Variants in FMN1 observed in about 807,000 individuals in gnomAD.
The protein encoded by FMN1 is formin 1.
In FMN1, 110 loss-of-function variants were observed where a neutral mutation model predicts 132.4. The ratio of observed to expected loss-of-function variants is 0.83; its 90% CI spans 0.71 to 0.97. The LOEUF (loss-of-function observed/expected upper bound fraction) is 0.97. FMN1 is among the 50% of genes least tolerant of loss of function. The pLI, the probability that FMN1 is intolerant of heterozygous loss-of-function variation, is 0.00. For synonymous variants in FMN1, 722 were observed against 651.7 expected (o/e 1.11, Z -1.64); for missense variants, 1,792 against 1,705.3 (o/e 1.05, Z -0.90).
At chr15:33,021,330 C>T (rs1449464049) in intron 6 of FMN1, among the ~76,000 whole-genome samples, 3 of 151,024 alleles carry the variant, frequency 2.0e-5, no homozygotes, top group Non-Finnish European at 4.4e-5. Context: ...ACAGCAATAG[C>T]TGATGAATAC....
At chr15:32,785,884 T>C (rs2056861104) in intron 19 of FMN1, among the ~76,000 whole-genome samples, 1 of 152,116 alleles carries the variant, frequency 6.6e-6, no homozygotes, top group African/African-American at 2.4e-5. Context: ...ATTGAGGGAA[T>C]ATGGTTCATG....
intron 9 of FMN1, among the ~76,000 whole-genome samples, chr15:32,954,273 C>T (rs556182884): frequency 6.6e-6 from 1 of 152,326 alleles, no homozygotes; most frequent in South Asian, 2.1e-4. Flanking sequence ...CCTGAACCCC[C>T]ATGTACCTAT....
intron 6 of FMN1, among the ~76,000 whole-genome samples, chr15:33,022,425 T>C (rs1290261501): frequency 1.3e-5 from 2 of 152,122 alleles, no homozygotes; most frequent in African/African-American, 2.4e-5. Flanking sequence ...AGTGGACTAG[T>C]ATGGATATGG....
At chr15:33,071,235 C>T (rs1417455529) in intron 5 of FMN1, among the ~76,000 whole-genome samples, 1 of 152,160 alleles carries the variant, frequency 6.6e-6, no homozygotes, top group Non-Finnish European at 1.5e-5. Context: ...GAAAAATCTA[C>T]AAGTTTTCTT....
chr15:32,790,734 T>C (rs566221714), intron 19 of FMN1, among the ~76,000 whole-genome samples: 1 of 152,320 alleles, frequency 6.6e-6, no homozygotes, highest in East Asian at 1.9e-4. Context: ...CTTTGGATCA[T>C]TTCTTCCTCC....
At chr15:33,163,178 G>A (rs556167787) in intron 3 of FMN1, among the ~76,000 whole-genome samples, 19 of 152,292 alleles carry the variant, frequency 1.2e-4, no homozygotes, top group African/African-American at 4.3e-4. Context: ...AGTAGAGTGA[G>A]AGAACACCAA....
At chr15:32,807,344 C>G (rs957035590) in intron 17 of FMN1, among the ~76,000 whole-genome samples, 1 of 152,216 alleles carries the variant, frequency 6.6e-6, no homozygotes, top group African/African-American at 2.4e-5. Flanking sequence ...TCCCCCCATA[C>G]TCTTGGCAGG....
chr15:33,147,973 A>G (rs1964294051), intron 4 of FMN1, among the ~76,000 whole-genome samples: 1 of 152,208 alleles, frequency 6.6e-6, no homozygotes, highest in African/African-American at 2.4e-5. Context: ...TGGACTAAAA[A>G]TCATATTACC....
chr15:32,906,049 G>A (rs908896892), intron 12 of FMN1, among the ~76,000 whole-genome samples: 1 of 152,192 alleles, frequency 6.6e-6, no homozygotes, highest in Non-Finnish European at 1.5e-5. Context: ...TAGATCATCA[G>A]TAGAGAAAAC....
At position 32,776,886 on chromosome 15, in the gene FMN1, C is replaced by T. The variant is rs1477865657; in HGVS notation, c.4164G>A (p.Leu1388=). The T allele has an allele frequency of 3.4e-5, 55 of 1,596,506 alleles. No individual in the cohort carries two copies. Among genetic ancestry groups the T allele is most frequent in the Non-Finnish European group, 4.7e-5 (55 of 1,169,970 alleles). The change falls in exon 20 of 21, where the codon TTG becomes TTA. Residue 1388 remains leucine (L), a synonymous_variant. Transcript: ENST00000616417. ...TTGTCTCCACTTTCTTCTCTGAAGTCAACTTGCTGACTGATTCCTGAGCCA... is the reference window on the plus strand; with the variant it reads ...TTGTCTCCACTTTCTTCTCTGAAGTTAACTTGCTGACTGATTCCTGAGCCA... ...LKMAQESVSK[L]TSEKKVETKK...
intron 7 of FMN1, among the ~76,000 whole-genome samples, chr15:33,005,205 A>G (rs2034350239): frequency 6.6e-6 from 1 of 152,140 alleles, no homozygotes; most frequent in Admixed American, 6.6e-5. Context: ...TATTAAAAAA[A>G]AAAAACTACA....
chr15:33,071,813 G>C (rs1229091013), intron 5 of FMN1, among the ~76,000 whole-genome samples: 1 of 152,182 alleles, frequency 6.6e-6, no homozygotes, highest in Non-Finnish European at 1.5e-5. Context: ...ATTCAAATAA[G>C]CAACCTACAA....
At chr15:32,879,623 T>C (rs753518245) in intron 16 of FMN1, among the ~76,000 whole-genome samples, 1 of 152,140 alleles carries the variant, frequency 6.6e-6, no homozygotes, top group Non-Finnish European at 1.5e-5. Context: ...ACCCTTTCAA[T>C]ATCCCTTTGT....
intron 5 of FMN1, among the ~76,000 whole-genome samples, chr15:33,082,526 G>A (rs1244680557): frequency 6.6e-6 from 1 of 151,926 alleles, no homozygotes; most frequent in African/African-American, 2.4e-5. Flanking sequence ...ATTCTCCATG[G>A]TGAGCATTCC....
intron 18 of FMN1, among the ~76,000 whole-genome samples, chr15:32,801,420 T>C (rs1407366964): frequency 2.0e-5 from 3 of 152,140 alleles, no homozygotes; most frequent in Admixed American, 2.0e-4. Context: ...TCCCAGAGGA[T>C]GGCCTGGCTT....
intron 8 of FMN1, among the ~76,000 whole-genome samples, chr15:32,965,027 G>A (rs1035679344): frequency 1.3e-5 from 2 of 152,184 alleles, no homozygotes; most frequent in Non-Finnish European, 2.9e-5. Context: ...GCTGACTCCA[G>A]TGGTCACTCC....
intron 17 of FMN1, among the ~76,000 whole-genome samples, chr15:32,816,199 C>T (rs55646743): frequency 0.14 from 21,775 of 152,140 alleles, 1,908 homozygotes; most frequent in East Asian, 0.46. Flanking sequence ...ACGTGTATCC[C>T]TACAGTAAGC....
At chr15:33,116,650 C>G (rs550541957) in intron 4 of FMN1, among the ~76,000 whole-genome samples, 1 of 152,176 alleles carries the variant, frequency 6.6e-6, no homozygotes, top group African/African-American at 2.4e-5. Flanking sequence ...CCATTCCAGC[C>G]TCTTCCAGCA....
chr15:33,005,432 C>T (rs889769029), intron 7 of FMN1, among the ~76,000 whole-genome samples: 2 of 152,094 alleles, frequency 1.3e-5, no homozygotes, highest in Non-Finnish European at 2.9e-5. Context: ...TTAATCACAC[C>T]TTAGTCTAAC....
Sources: allele counts gnomAD v4.1 joint callset (sites outside exome capture counted in the v4.1 genomes callset), GRCh38; gene constraint gnomAD v4.1.1; transcripts MANE v1.5; gene names NCBI Gene and HGNC (gene_info 2026-07-23, HGNC 2026-07-21).